The following GABRB3 variants were observed in gnomAD, a reference collection of about 807,000 sequenced individuals.
GABRB3 encodes the protein gamma-aminobutyric acid receptor subunit beta-3.
GABRB3 carries 14 observed loss-of-function variants against 52.1 expected under a neutral mutation model. The ratio of observed to expected loss-of-function variants is 0.27; its 90% CI spans 0.18 to 0.42. The LOEUF (loss-of-function observed/expected upper bound fraction) is 0.42, where lower values mean the gene tolerates loss of function less well. GABRB3 is among the 10% of genes least tolerant of loss of function. GABRB3 has a pLI of 1.00. For missense variants in GABRB3, 307 were observed against 609.1 expected (o/e 0.50, Z 5.22); for synonymous variants, 260 against 232.3 (o/e 1.12, Z -1.08).
chr15:26,560,900 A>G (rs755876317), intron 8 of GABRB3, 32 bp downstream of exon 8: 15 of 1,612,734 alleles, frequency 9.3e-6, no homozygotes, highest in Non-Finnish European at 1.2e-5. Context: ...AGCTGCAGGG[A>G]CCAGGTGGGG....
At position 26,738,063 on chromosome 15, in the gene GABRB3, T is replaced by C. The variant is rs78659188; in HGVS notation, c.240+34339A>G. On this transcript the variant is annotated intron_variant, in intron 3 of 8. Transcript: ENST00000311550. ...AAGAGTCTTCGGCTTATGTTTTGTT[T>C]TTTTTGTTGTCGTTGTTCTTCTTCG... Among the ~76,000 whole-genome samples the C allele has an allele frequency of 2.0e-3, 299 of 152,240 alleles. 1 individual carries two copies. The highest frequency in any genetic ancestry group is 6.9e-3 in the African/African-American group (286 of 41,540).
intron 5 of GABRB3, among the ~76,000 whole-genome samples, chr15:26,581,978 A>G (rs898825840): frequency 6.6e-6 from 1 of 152,046 alleles, no homozygotes; most frequent in Non-Finnish European, 1.5e-5. Flanking sequence ...TGTTGGATAA[A>G]CTTTGGGTTG....
At chr15:26,619,531 G>A (rs1014310993) in intron 4 of GABRB3, among the ~76,000 whole-genome samples, 1 of 111,526 alleles carries the variant, frequency 9.0e-6, no homozygotes, top group South Asian at 3.7e-4. Flanking sequence ...GGTGGGGGGA[G>A]GGGGGAGGGA....
At chr15:26,641,169 C>T (rs1322204751) in intron 3 of GABRB3, among the ~76,000 whole-genome samples, 2 of 152,198 alleles carry the variant, frequency 1.3e-5, no homozygotes, top group East Asian at 1.9e-4. Flanking sequence ...CCATCTCAGC[C>T]TCTATAGCAC....
intron 3 of GABRB3, among the ~76,000 whole-genome samples, chr15:26,678,928 G>A (rs1266838942): frequency 1.2e-4 from 18 of 152,134 alleles, no homozygotes; most frequent in Admixed American, 1.2e-3. Flanking sequence ...GTTAGTGTGA[G>A]TTTCTATGAA....
At chr15:26,710,306 G>C (rs942387872) in intron 3 of GABRB3, among the ~76,000 whole-genome samples, 1 of 152,092 alleles carries the variant, frequency 6.6e-6, no homozygotes, top group African/African-American at 2.4e-5. Flanking sequence ...TTGTTGCTCA[G>C]GCTGGAGTGC....
At chr15:26,689,880 G>A (rs527401520) in intron 3 of GABRB3, among the ~76,000 whole-genome samples, 6 of 152,242 alleles carry the variant, frequency 3.9e-5, no homozygotes, top group South Asian at 2.1e-4. Flanking sequence ...ATAACGAGGC[G>A]TGCCTGATCT....
At chr15:26,640,435 T>A (rs1893169763) in intron 3 of GABRB3, among the ~76,000 whole-genome samples, 1 of 152,034 alleles carries the variant, frequency 6.6e-6, no homozygotes, top group Non-Finnish European at 1.5e-5. Context: ...GAGAATGGCA[T>A]GAACCCGGGA....
intron 3 of GABRB3, among the ~76,000 whole-genome samples, chr15:26,681,681 G>A (rs1463543917): frequency 6.6e-6 from 1 of 152,170 alleles, no homozygotes; most frequent in Non-Finnish European, 1.5e-5. Flanking sequence ...AATGTCTTTG[G>A]TCAGAGACAG....
rs1891175769 is a variant in GABRB3 at position 26,772,463 on chromosome 15, G to A, written c.179C>T (p.Pro60Leu). 2 of 1,610,134 alleles carry A rather than the reference G, an allele frequency of 1.2e-6. No individual in the cohort carries two copies. The highest frequency in any genetic ancestry group is 1.3e-5 in the African/African-American group (1 of 74,810). ...IRLRPDFGGP[P>L]VCVGMNIDIA... ...GTCGATGTTCATCCCCACGCAGACC[G>A]GGGGACCTGCGGGAAGCACAGGACA... Residue 60 changes from proline (P) to leucine (L), a missense_variant, in exon 3 of 9, where the codon CCG (proline) becomes CTG (leucine). Physicochemically the swap from Pro to Leu is moderately conservative, Grantham distance 98. Around this residue, in one of 6 missense-constraint regions of GABRB3, gnomAD observed 90 missense variants for 86.4 expected, o/e 1.04. Coordinates refer to ENST00000311550, the MANE Select transcript of GABRB3 (RefSeq NM_000814.6).
chr15:26,660,817 T>C (rs987296941), intron 3 of GABRB3, among the ~76,000 whole-genome samples: 1 of 152,182 alleles, frequency 6.6e-6, no homozygotes, highest in Non-Finnish European at 1.5e-5. Context: ...TATAATGAAT[T>C]ATAAAGATAT....
chr15:26,678,241 C>T (rs7177880), intron 3 of GABRB3, among the ~76,000 whole-genome samples: 14 of 152,204 alleles, frequency 9.2e-5, no homozygotes, highest in Non-Finnish European at 1.6e-4. Flanking sequence ...TCTCAGGAGG[C>T]TGACTGCAGG....
At chr15:26,652,916 A>G (rs1445568788) in intron 3 of GABRB3, among the ~76,000 whole-genome samples, 4 of 152,226 alleles carry the variant, frequency 2.6e-5, no homozygotes, top group African/African-American at 7.2e-5. Flanking sequence ...TCTTTAAAAT[A>G]AGGATAACAC....
intron 3 of GABRB3, among the ~76,000 whole-genome samples, chr15:26,752,251 T>G (rs1028334051): frequency 1.3e-5 from 2 of 149,248 alleles, no homozygotes; most frequent in Non-Finnish European, 1.5e-5. Context: ...ATTTATTTAT[T>G]TATTTATTTA....
intron 4 of GABRB3, among the ~76,000 whole-genome samples, chr15:26,606,571 C>A (rs1239117653): frequency 1.3e-5 from 2 of 151,996 alleles, no homozygotes; most frequent in African/African-American, 2.4e-5. Flanking sequence ...ATGTTGAAAC[C>A]TTTTCTCTAA....
chr15:26,731,073 T>TCC (rs1349677073), intron 3 of GABRB3, among the ~76,000 whole-genome samples: 1 of 150,882 alleles, frequency 6.6e-6, no homozygotes, highest in East Asian at 1.9e-4. Flanking sequence ...GCTCTCGCTC[T>TCC]CTCTCTCTCT....
At position 26,764,172 on chromosome 15, in the gene GABRB3, AAAAAAAAATATATATATATATATATAT is replaced by A. The variant is rs1566834474; in HGVS notation, c.240+8203_240+8229del. 5.5e-3 allele frequency among the ~76,000 whole-genome samples: 95 copies of A among 17,256 alleles called. 8 individuals carry two copies. The highest frequency in any genetic ancestry group is 8.2e-3 in the Admixed American group (7 of 856). 11.3% of individuals were successfully genotyped at this position (17,256 alleles called of 152,430 possible). On this transcript the variant is annotated intron_variant, in intron 3 of 8. Transcript: ENST00000311550. The stretch of plus-strand genomic sequence containing the variant: ...CTCAAAAAAAAAAAAAAAAAAAAAA[AAAAAAAAATATATATATATATATATAT>A]ATATATATATATATATATATATATA...
intron 3 of GABRB3, among the ~76,000 whole-genome samples, chr15:26,747,361 C>T (rs955489504): frequency 3.3e-5 from 5 of 152,308 alleles, no homozygotes; most frequent in Admixed American, 1.3e-4. Context: ...TTCATGAAAA[C>T]GGGAAGTTTC....
At chr15:26,720,737 T>C (rs544827913) in intron 3 of GABRB3, among the ~76,000 whole-genome samples, 43 of 152,290 alleles carry the variant, frequency 2.8e-4, no homozygotes, top group African/African-American at 1.0e-3. Context: ...ATTTTCTAGC[T>C]ACTTCAAAAG....
Sources: allele counts gnomAD v4.1 joint callset (sites outside exome capture counted in the v4.1 genomes callset), GRCh38; gene constraint gnomAD v4.1.1; regional missense constraint gnomAD v4.1.1; transcripts MANE v1.5; gene names NCBI Gene and HGNC (gene_info 2026-07-23, HGNC 2026-07-21).